AFAP1: variants seen among roughly 807,000 people sequenced by gnomAD.
AFAP1 encodes actin filament-associated protein 1.
Under a neutral mutation model 93.9 loss-of-function variants are expected in AFAP1, and 75 were observed. The observed-to-expected ratio is 0.80, with a 90% CI of 0.66 to 0.97. AFAP1 has a LOEUF of 0.97. Among genes scored for constraint, AFAP1 ranks in the 50% least tolerant of loss-of-function variants. The pLI is 0.00. For synonymous variants in AFAP1, 517 were observed against 430.7 expected, an observed-to-expected ratio of 1.20 and a Z score of -2.48; for missense variants, 1,201 against 1,050.8, an observed-to-expected ratio of 1.14 and a Z score of -1.98.
At chr4:7,873,866 G>A (rs755150890) in intron 1 of AFAP1, among the ~76,000 whole-genome samples, 3 of 152,174 alleles carry the variant, frequency 2.0e-5, no homozygotes, top group Non-Finnish European at 4.4e-5. Context: ...TGGCAGACAT[G>A]TTCTCAAGAA....
chr4:7,885,521 C>T (rs1205760613), intron 1 of AFAP1, among the ~76,000 whole-genome samples: 2 of 152,238 alleles, frequency 1.3e-5, no homozygotes, highest in Non-Finnish European at 2.9e-5. Flanking sequence ...TTGTCTGTCT[C>T]CTCCACTAGC....
chr4:7,866,127 C>T (rs1716370800), intron 3 of AFAP1, among the ~76,000 whole-genome samples: 1 of 152,104 alleles, frequency 6.6e-6, no homozygotes, highest in South Asian at 2.1e-4. Flanking sequence ...AAACTCCTGA[C>T]CTCAGGTGAT....
At chr4:7,901,156 A>G (rs920392972) in intron 1 of AFAP1, among the ~76,000 whole-genome samples, 1 of 152,232 alleles carries the variant, frequency 6.6e-6, no homozygotes, top group Admixed American at 6.5e-5. Context: ...AACTTTAAGC[A>G]TGACCACAAG....
Position 7,769,111 on chromosome 4 carries a change from T to C in AFAP1, c.2254-103A>G, listed in dbSNP as rs550828358. On this transcript the variant is annotated intron_variant, in intron 16 of 17. Coordinates refer to ENST00000420658, the MANE Select transcript of AFAP1 (RefSeq NM_001134647.2). ...TCAAGGAAGAAATAAGTTTTGGAAATGGGCAAAAATAACAGCAGTAGCAGC... is the reference window on the plus strand; with the variant it reads ...TCAAGGAAGAAATAAGTTTTGGAAACGGGCAAAAATAACAGCAGTAGCAGC... 1.6e-4 allele frequency: 225 copies of C among 1,428,014 alleles called. 2 individuals carry two copies. The East Asian group carries it at 3.4e-3, about 22-fold the overall frequency. The allele number at this position is 1,428,014 out of a possible 1,614,324, so 88.5% of individuals were successfully genotyped here.
chr4:7,815,487 C>T (rs4579115), intron 8 of AFAP1, among the ~76,000 whole-genome samples: 128,396 of 152,190 alleles, frequency 0.84, 54,601 homozygotes, highest in African/African-American at 0.95. Context: ...CAGAAAATCA[C>T]TTTTAAGAAC....
chr4:7,848,292 T>C (rs938167899), intron 4 of AFAP1, among the ~76,000 whole-genome samples: 9 of 150,790 alleles, frequency 6.0e-5, no homozygotes. Flanking sequence ...GGATGGCTCA[T>C]GCTATTATGG....
At position 7,778,821 on chromosome 4, in the gene AFAP1, G is replaced by T. The variant is rs1716432488; in HGVS notation, c.1838C>A (p.Thr613Asn). The T allele has an allele frequency of 1.2e-6, 2 of 1,614,066 alleles. No homozygotes were observed. The highest frequency in any genetic ancestry group is 1.7e-5 in the Admixed American group (1 of 60,008). ...ASNGVTGKGK[T>N]LSSQPKKADP... ...CGCTTTCTTTGGCTGACTGCTCAGA[G>T]TCTTCCCTTTTCCTGTGACCCCATT... Residue 613 changes from threonine to asparagine, a missense_variant, in exon 14 of 18, where the codon ACT becomes AAT. Coordinates refer to ENST00000420658, the MANE Select transcript of AFAP1 (RefSeq NM_001134647.2).
chr4:7,878,154 G>C (rs1717624697), intron 1 of AFAP1, among the ~76,000 whole-genome samples: 1 of 151,986 alleles, frequency 6.6e-6, no homozygotes, highest in Admixed American at 6.6e-5. Flanking sequence ...AAGATCTAAG[G>C]GTAATAACCA....
At chr4:7,812,373 C>T (rs1292467667) in intron 8 of AFAP1, among the ~76,000 whole-genome samples, 7 of 152,080 alleles carry the variant, frequency 4.6e-5, no homozygotes, top group Non-Finnish European at 1.0e-4. Flanking sequence ...AAAGTGCTTG[C>T]TCGACTCTGA....
At chr4:7,770,702 G>C (rs566276151) in intron 16 of AFAP1, among the ~76,000 whole-genome samples, 7 of 152,276 alleles carry the variant, frequency 4.6e-5, no homozygotes, top group East Asian at 3.9e-4. Flanking sequence ...GGAAGGATGA[G>C]ATCGAGGCAC....
chr4:7,817,765 T>TTA (rs528520712), intron 7 of AFAP1, among the ~76,000 whole-genome samples: 1 of 146,120 alleles, frequency 6.8e-6, no homozygotes, highest in Non-Finnish European at 1.5e-5. Context: ...AAAGGTTAAG[T>TTA]AAAAAAAAAA....
At chr4:7,815,430 G>A (rs1399676235) in intron 8 of AFAP1, among the ~76,000 whole-genome samples, 1 of 152,316 alleles carries the variant, frequency 6.6e-6, no homozygotes, top group Admixed American at 6.5e-5. Context: ...TTTATATAAT[G>A]TACATTTTTA....
At chr4:7,901,929 T>G (rs560504899) in intron 1 of AFAP1, among the ~76,000 whole-genome samples, 10 of 152,362 alleles carry the variant, frequency 6.6e-5, no homozygotes, top group Non-Finnish European at 8.8e-5. Flanking sequence ...AGAGATTTTA[T>G]AGTGGAATGC....
intron 11 of AFAP1, among the ~76,000 whole-genome samples, chr4:7,787,101 A>G (rs553957875): frequency 6.6e-6 from 1 of 152,344 alleles, no homozygotes; most frequent in South Asian, 2.1e-4. Flanking sequence ...AACTCTTGGA[A>G]TTTCATACAT....
intron 3 of AFAP1, among the ~76,000 whole-genome samples, chr4:7,867,121 G>GGGAGGGGGGAGGAGAGGGGA (rs1560209657): frequency 1.3e-5 from 1 of 79,230 alleles, no homozygotes; most frequent in Non-Finnish European, 3.1e-5. Context: ...GGGAGGGGAG[G>GGGAGGGGGGAGGAGAGGGGA]GTAGGGGAGC....
intron 8 of AFAP1, among the ~76,000 whole-genome samples, chr4:7,811,225 T>C (rs1443407203): frequency 6.6e-6 from 1 of 151,890 alleles, no homozygotes; most frequent in African/African-American, 2.4e-5. Flanking sequence ...CCCTTTCCCC[T>C]TCATCTCCAG....
intron 6 of AFAP1, among the ~76,000 whole-genome samples, chr4:7,833,377 T>G (rs568763456): frequency 4.6e-5 from 7 of 152,122 alleles, no homozygotes; most frequent in African/African-American, 1.7e-4. Flanking sequence ...GTTATAGAAA[T>G]GGCCAACAAA....
At chr4:7,889,257 G>C in intron 1 of AFAP1, among the ~76,000 whole-genome samples, 1 of 152,036 alleles carries the variant, frequency 6.6e-6, no homozygotes, top group East Asian at 1.9e-4. Context: ...CAGGGGGGTT[G>C]TTTTCTAGTA....
Position 7,939,351 on chromosome 4 carries a change from G to T in AFAP1, c.-3+305C>A. 6.1e-6 allele frequency: 2 copies of T among 325,216 alleles called. No homozygotes were observed. Among genetic ancestry groups the T allele is most frequent in the Admixed American group, 3.9e-5 (1 of 25,946 alleles). 20.1% of individuals were successfully genotyped at this position (325,216 alleles called of 1,614,324 possible). The stretch of plus-strand genomic sequence containing the variant: ...TCGCAGGGCCCCCTCTGACGCACAC[G>T]GGGACCAGCCACGCCGCGGGGGCAC... On this transcript the variant is annotated intron_variant, in intron 1 of 17. Transcript: ENST00000420658. The surrounding 1 kb of genome is among the most constrained non-coding windows in gnomAD (Gnocchi z 5.6).
Sources: gnomAD v4.1 joint callset for allele counts (sites outside exome capture counted in the v4.1 genomes callset) on GRCh38, gnomAD v4.1.1 for gene constraint, Gnocchi (gnomAD v3.1) non-coding constraint, MANE v1.5 for transcripts, NCBI Gene and HGNC (gene_info 2026-07-23, HGNC 2026-07-21) for gene names.